PCSK6: variants seen among roughly 807,000 people sequenced by gnomAD.
PCSK6 encodes paired basic amino acid cleaving enzyme 4.
In PCSK6, 85 loss-of-function variants were observed where a neutral mutation model predicts 123.3. The ratio of observed to expected loss-of-function variants is 0.69; its 90% CI spans 0.58 to 0.83. PCSK6 has a LOEUF of 0.83. Among genes scored for constraint, PCSK6 ranks in the 40% least tolerant of loss-of-function variants. PCSK6 has a pLI of 0.00. For missense variants in PCSK6, 1,191 were observed against 1,282.3 expected, an observed-to-expected ratio of 0.93 and a Z score of 1.09; for synonymous variants, 508 against 516.0, an observed-to-expected ratio of 0.98 and a Z score of 0.21.
In PCSK6 at chr15:101,382,090, AC is replaced by A; in HGVS notation, c.1532+1del. On this transcript the variant is annotated splice_donor_variant, in intron 11 of 21. Coordinates refer to ENST00000611716, the MANE Select transcript of PCSK6 (RefSeq NM_002570.5). LOFTEE classifies it high-confidence loss of function. The stretch of plus-strand genomic sequence containing the variant: ...GTCACCGATGCCACAGCAGAGCCTT[AC>A]CTGGGTCTCTTGTCCGAGGCGGCCA... 6.3e-7 allele frequency: 1 copy of A among 1,596,670 alleles called. No homozygotes were observed. The highest frequency in any genetic ancestry group is 8.5e-7 in the Non-Finnish European group (1 of 1,170,008).
At position 101,398,672 on chromosome 15, in the gene PCSK6, C is replaced by T; in HGVS notation, c.824-96G>A. ...GGAGGCTCGGATGAGGACACCGCAT[C>T]ACAGAGTCCCTCCCCAGCAGGGGCT... On this transcript the variant is annotated intron_variant, in intron 6 of 21. Coordinates refer to ENST00000611716, the MANE Select transcript of PCSK6 (RefSeq NM_002570.5). This position sits in a 1 kb window ranked among gnomAD's most constrained non-coding sequence, Gnocchi z 4.6. 1 of 1,308,848 alleles carries T rather than the reference C, an allele frequency of 7.6e-7. No individual in the cohort carries two copies. Among genetic ancestry groups the T allele is most frequent in the Non-Finnish European group, 1.0e-6 (1 of 953,286 alleles). 81.1% of individuals were successfully genotyped at this position (1,308,848 alleles called of 1,614,324 possible).
At chr15:101,434,953 G>C (rs2141128911) in intron 2 of PCSK6, among the ~76,000 whole-genome samples, 1 of 152,274 alleles carries the variant, frequency 6.6e-6, no homozygotes, top group East Asian at 1.9e-4. Flanking sequence ...CCAGAGAGCA[G>C]GCATCCTGGG....
At chr15:101,312,780 C>A (rs146254223) in intron 20 of PCSK6, among the ~76,000 whole-genome samples, 1 of 151,882 alleles carries the variant, frequency 6.6e-6, no homozygotes, top group Non-Finnish European at 1.5e-5. Flanking sequence ...TGCAATGAGC[C>A]GAGATCGCCC....
At chr15:101,323,921 C>T (rs1392582674) in intron 17 of PCSK6, among the ~76,000 whole-genome samples, 3 of 152,156 alleles carry the variant, frequency 2.0e-5, no homozygotes, top group African/African-American at 4.8e-5. Flanking sequence ...GAGTGCCAAA[C>T]GGTAGCTTCT....
intron 1 of PCSK6, among the ~76,000 whole-genome samples, chr15:101,447,740 G>C (rs1366393761): frequency 6.6e-6 from 1 of 152,260 alleles, no homozygotes; most frequent in African/African-American, 2.4e-5. Context: ...CGTCCTGGGT[G>C]GCTGCTGCTT....
Position 101,480,993 on chromosome 15 carries a change from G to A in PCSK6, c.297+8381C>T, listed in dbSNP as rs568691128. On this transcript the variant is annotated intron_variant, in intron 1 of 21. Transcript: ENST00000611716. ...CTCTTAAGACTCTTGCAAGGCAGGG[G>A]CCACATTTTCTTATCTCTAAGTGCC... Among the ~76,000 whole-genome samples the A allele has an allele frequency of 9.2e-5, 14 of 152,286 alleles. No individual in the cohort carries two copies. The South Asian group carries it at 2.9e-3, about 32-fold the overall frequency.
intron 18 of PCSK6, among the ~76,000 whole-genome samples, chr15:101,321,474 C>T (rs542060282): frequency 2.0e-5 from 3 of 152,308 alleles, no homozygotes; most frequent in Admixed American, 6.5e-5. Flanking sequence ...TTGTAAAATG[C>T]GAGTAAGAAT....
At chr15:101,445,937 C>A (rs530741821) in intron 1 of PCSK6, among the ~76,000 whole-genome samples, 76 of 152,364 alleles carry the variant, frequency 5.0e-4, no homozygotes, top group African/African-American at 1.8e-3. Flanking sequence ...CCTCAAAGGC[C>A]AGTCCCAAAG....
chr15:101,323,215 A>G (rs1382495217), intron 17 of PCSK6, among the ~76,000 whole-genome samples: 2 of 152,144 alleles, frequency 1.3e-5, no homozygotes, highest in African/African-American at 4.8e-5. Context: ...TGCTTGCCAC[A>G]CCTGCACGTG....
chr15:101,488,980 G>C (rs1368702804), intron 1 of PCSK6, among the ~76,000 whole-genome samples: 1 of 150,312 alleles, frequency 6.7e-6, no homozygotes, highest in Non-Finnish European at 1.5e-5. Flanking sequence ...TGGGCGCCCA[G>C]GACCCAGCGG....
chr15:101,364,323 A>G (rs1488317465), intron 13 of PCSK6, among the ~76,000 whole-genome samples: 1 of 152,226 alleles, frequency 6.6e-6, no homozygotes, highest in East Asian at 1.9e-4. Flanking sequence ...CATTCGACCC[A>G]GAGAACAAAG....
intron 6 of PCSK6, among the ~76,000 whole-genome samples, chr15:101,424,228 C>A: frequency 7.6e-6 from 1 of 132,116 alleles, no homozygotes; most frequent in African/African-American, 2.9e-5. Flanking sequence ...GAGCAAGACC[C>A]CATCTCTTCA....
chr15:101,399,185 G>A (rs1897901134), intron 6 of PCSK6, among the ~76,000 whole-genome samples: 1 of 152,204 alleles, frequency 6.6e-6, no homozygotes, highest in Non-Finnish European at 1.5e-5. Flanking sequence ...ACAGGCGTGA[G>A]CCACCACTCC....
intron 1 of PCSK6, among the ~76,000 whole-genome samples, chr15:101,487,042 C>G (rs539969541): frequency 6.6e-6 from 1 of 152,326 alleles, no homozygotes; most frequent in East Asian, 1.9e-4. Flanking sequence ...TTATGAGTCA[C>G]AAATTCTCCT....
intron 1 of PCSK6, among the ~76,000 whole-genome samples, chr15:101,480,076 G>A (rs1450307248): frequency 6.6e-6 from 1 of 152,242 alleles, no homozygotes; most frequent in Non-Finnish European, 1.5e-5. Context: ...TTGCAGGAAC[G>A]TGAGTGATGC....
chr15:101,386,044 C>A (rs548579933), intron 9 of PCSK6, among the ~76,000 whole-genome samples: 2 of 152,002 alleles, frequency 1.3e-5, no homozygotes, highest in Admixed American at 6.5e-5. Flanking sequence ...ACCATCTTCC[C>A]AGGGCTCGTT....
intron 20 of PCSK6, among the ~76,000 whole-genome samples, chr15:101,310,869 GAC>G (rs1287441989): frequency 1.3e-5 from 2 of 152,202 alleles, no homozygotes; most frequent in Non-Finnish European, 2.9e-5. Flanking sequence ...CCCCTGCTCT[GAC>G]ACAAGCCTTT....
chr15:101,405,751 AT>A lies in PCSK6; in HGVS notation c.824-7176del, dbSNP rs766498926. Among the ~76,000 whole-genome samples the A allele has an allele frequency of 4.4e-3, 658 of 148,046 alleles. 8 individuals are homozygous for A. The East Asian group carries it at 0.062, about 14-fold the overall frequency. On this transcript the variant is annotated intron_variant, in intron 6 of 21. Transcript: ENST00000611716. ...CTTTCCTCCATTTCCCCTGCTTCTA[AT>A]TTTTTTTTTCAGACAGAGTCTCCCT...
intron 1 of PCSK6, among the ~76,000 whole-genome samples, chr15:101,465,523 G>T (rs763788258): frequency 6.6e-6 from 1 of 152,188 alleles, no homozygotes. Flanking sequence ...GAGCTGGCGG[G>T]ATGAGGGCTA....
Sources: allele counts gnomAD v4.1 joint callset (sites outside exome capture counted in the v4.1 genomes callset), GRCh38; gene constraint gnomAD v4.1.1; non-coding constraint Gnocchi (gnomAD v3.1); transcripts MANE v1.5; gene names NCBI Gene and HGNC (gene_info 2026-07-23, HGNC 2026-07-21).